TNFSF4: variants seen among roughly 807,000 people sequenced by gnomAD.
TNFSF4 encodes the protein tumor necrosis factor ligand superfamily member 4.
In TNFSF4, 4 loss-of-function variants were observed where a neutral mutation model predicts 7.3. The observed-to-expected ratio is 0.55, with a 90% CI of 0.27 to 1.25. The LOEUF (loss-of-function observed/expected upper bound fraction) is 1.25. Ranked by LOEUF, TNFSF4 falls within the 50% of genes most tolerant of loss-of-function variation. The pLI, the probability that TNFSF4 is intolerant of heterozygous loss-of-function variation, is 0.12. For missense variants in TNFSF4, 181 were observed against 208.8 expected, an observed-to-expected ratio of 0.87 and a Z score of 0.82; for synonymous variants, 76 against 83.7, an observed-to-expected ratio of 0.91 and a Z score of 0.50.
the TNFSF4 span, among the ~76,000 whole-genome samples, chr1:173,390,584 T>C: frequency 1.5e-4 from 23 of 152,304 alleles, no homozygotes; most frequent in Non-Finnish European, 3.2e-4. Context: ...GTTGTTCAAG[T>C]GTAGGTCCCC....
chr1:173,196,054 T>G (rs1649686556), intron 1 of TNFSF4, among the ~76,000 whole-genome samples: 1 of 152,100 alleles, frequency 6.6e-6, no homozygotes, highest in African/African-American at 2.4e-5. Flanking sequence ...GGGAGAATTT[T>G]TCACTCTTAG....
the TNFSF4 span, among the ~76,000 whole-genome samples, chr1:173,328,539 G>A: frequency 2.0e-5 from 3 of 148,120 alleles, no homozygotes; most frequent in African/African-American, 7.5e-5. Context: ...GTTTATCTTC[G>A]TAATAAAAAA....
At chr1:173,325,493 G>T in the TNFSF4 span, among the ~76,000 whole-genome samples, 2 of 152,152 alleles carry the variant, frequency 1.3e-5, no homozygotes, top group African/African-American at 4.8e-5. Context: ...AAAGCTAGCA[G>T]AAGGCAAGAA....
chr1:173,402,169 T>C, the TNFSF4 span, among the ~76,000 whole-genome samples: 1 of 152,322 alleles, frequency 6.6e-6, no homozygotes, highest in Non-Finnish European at 1.5e-5. Flanking sequence ...AGGTCAAAGA[T>C]GCATTCCTAA....
At position 173,184,723 on chromosome 1, in the gene TNFSF4, A is replaced by T. The variant is rs1481940584; in HGVS notation, c.*1793T>A. The T allele has an allele frequency of 6.6e-6, 1 of 152,064 alleles. No individual in the cohort carries two copies. The highest frequency in any genetic ancestry group is 1.5e-5 in the Non-Finnish European group (1 of 67,988). 9.4% of individuals were successfully genotyped at this position (152,064 alleles called of 1,614,324 possible). A position where few individuals can be genotyped will look rare whatever the true frequency, so the allele number is the denominator to read the frequency against. ...GAAATACACACACACACACACACACAAACACACACACAATCTTCTGAGTAG... is the reference window on the plus strand; with the variant it reads ...GAAATACACACACACACACACACACTAACACACACACAATCTTCTGAGTAG... On this transcript the variant is annotated 3_prime_UTR_variant, in exon 3 of 3. Coordinates refer to ENST00000281834, the MANE Select transcript of TNFSF4 (RefSeq NM_003326.5).
the TNFSF4 span, among the ~76,000 whole-genome samples, chr1:173,449,481 G>A: frequency 6.6e-6 from 1 of 151,748 alleles, no homozygotes; most frequent in Non-Finnish European, 1.5e-5. Context: ...AGTCTCCAGA[G>A]TATCTGGGAC....
the TNFSF4 span, among the ~76,000 whole-genome samples, chr1:173,340,909 C>T: frequency 6.6e-6 from 1 of 152,100 alleles, no homozygotes; most frequent in Non-Finnish European, 1.5e-5. Context: ...TTGTAGTTCC[C>T]ATAATCCCCA....
At chr1:173,250,308 C>T in the TNFSF4 span, among the ~76,000 whole-genome samples, 1 of 151,992 alleles carries the variant, frequency 6.6e-6, no homozygotes, top group Non-Finnish European at 1.5e-5. Context: ...TAGCTCATCA[C>T]CCTGAAACAA....
the TNFSF4 span, among the ~76,000 whole-genome samples, chr1:173,411,065 G>A: frequency 1.3e-5 from 2 of 152,194 alleles, no homozygotes; most frequent in Admixed American, 6.5e-5. Context: ...ACACTGGTCC[G>A]CTTTGGCCGC....
chr1:173,213,976 C>A, the TNFSF4 span, among the ~76,000 whole-genome samples: 1 of 152,224 alleles, frequency 6.6e-6, no homozygotes, highest in African/African-American at 2.4e-5. Context: ...ATAAACATTC[C>A]ACTCAGACAA....
At chr1:173,380,941 C>A in the TNFSF4 span, among the ~76,000 whole-genome samples, 1 of 152,158 alleles carries the variant, frequency 6.6e-6, no homozygotes, top group South Asian at 2.1e-4. Flanking sequence ...GGACAGGCAC[C>A]TGCACCTTAG....
At chr1:173,353,195 A>G in the TNFSF4 span, among the ~76,000 whole-genome samples, 1 of 152,216 alleles carries the variant, frequency 6.6e-6, no homozygotes, top group Non-Finnish European at 1.5e-5. Context: ...TGATGGGATT[A>G]AGAGATTAAA....
At chr1:173,223,448 G>GC in the TNFSF4 span, among the ~76,000 whole-genome samples, 12 of 151,188 alleles carry the variant, frequency 7.9e-5, no homozygotes, top group African/African-American at 1.2e-4. Context: ...AAGTCCACCC[G>GC]CCCCCCCAAA....
downstream of TNFSF4, among the ~76,000 whole-genome samples, chr1:173,182,304 AC>A (rs1286379150): frequency 2.0e-5 from 3 of 152,234 alleles, no homozygotes; most frequent in Non-Finnish European, 4.4e-5. Flanking sequence ...TTATGCATTT[AC>A]CCAACATCAT....
At chr1:173,437,123 T>G in the TNFSF4 span, among the ~76,000 whole-genome samples, 2 of 152,168 alleles carry the variant, frequency 1.3e-5, no homozygotes, top group African/African-American at 4.8e-5. Context: ...GGTAACACAA[T>G]CCATGACTCT....
At chr1:173,192,161 C>T (rs1419982647) in intron 1 of TNFSF4, among the ~76,000 whole-genome samples, 2 of 152,216 alleles carry the variant, frequency 1.3e-5, no homozygotes, top group Non-Finnish European at 1.5e-5. Flanking sequence ...GTCCCTCCAT[C>T]TGTCTCTGCC....
the TNFSF4 span, among the ~76,000 whole-genome samples, chr1:173,443,169 T>C: frequency 6.6e-6 from 1 of 152,148 alleles, no homozygotes; most frequent in Non-Finnish European, 1.5e-5. Context: ...AGATTAAATG[T>C]GGTTATGCAG....
chr1:173,232,143 T>A, the TNFSF4 span, among the ~76,000 whole-genome samples: 1 of 152,200 alleles, frequency 6.6e-6, no homozygotes. Flanking sequence ...TTTTACTTCG[T>A]TGAGCAGTGG....
chr1:173,237,509 CAT>C, the TNFSF4 span, among the ~76,000 whole-genome samples: 86 of 152,226 alleles, frequency 5.6e-4, no homozygotes, highest in Non-Finnish European at 1.1e-3. Context: ...TAGAAAATCC[CAT>C]AGTCTCAGCC....
Sources: allele counts gnomAD v4.1 joint callset (sites outside exome capture counted in the v4.1 genomes callset), GRCh38; gene constraint gnomAD v4.1.1; transcripts MANE v1.5; gene names NCBI Gene and HGNC (gene_info 2026-07-23, HGNC 2026-07-21).